The following SUCLG2 variants were observed in gnomAD, a reference collection of about 807,000 sequenced individuals.
The protein encoded by SUCLG2 is succinate-CoA ligase GDP-forming subunit beta, also known as succinate--CoA ligase [GDP-forming] subunit beta, mitochondrial.
Under a neutral mutation model 47.9 loss-of-function variants are expected in SUCLG2, and 42 were observed. The observed-to-expected ratio is 0.88, with a 90% CI of 0.69 to 1.14. The LOEUF is 1.14. SUCLG2 is among the 50% of genes most tolerant of loss of function. The pLI, the probability that SUCLG2 is intolerant of heterozygous loss-of-function variation, is 0.00. For synonymous variants in SUCLG2, 195 were observed against 197.3 expected, an observed-to-expected ratio of 0.99 and a Z score of 0.10; for missense variants, 571 against 525.9, an observed-to-expected ratio of 1.09 and a Z score of -0.84.
At chr3:67,414,644 T>C (rs556709817) in intron 9 of SUCLG2, among the ~76,000 whole-genome samples, 1 of 151,636 alleles carries the variant, frequency 6.6e-6, no homozygotes, top group Admixed American at 6.5e-5. Flanking sequence ...AAAGCCAAAA[T>C]TCTGGATTTT....
At chr3:67,517,302 G>C (rs1384783978) in intron 6 of SUCLG2, among the ~76,000 whole-genome samples, 2 of 152,236 alleles carry the variant, frequency 1.3e-5, no homozygotes, top group East Asian at 3.9e-4. Flanking sequence ...TCAATCAAAA[G>C]AAAAAGACAA....
chr3:67,442,439 G>C (rs1054912671), intron 9 of SUCLG2, among the ~76,000 whole-genome samples: 2 of 152,180 alleles, frequency 1.3e-5, no homozygotes, highest in Non-Finnish European at 2.9e-5. Context: ...CCCACCCCGG[G>C]CTACTAAATT....
intron 1 of SUCLG2, among the ~76,000 whole-genome samples, chr3:67,649,049 A>G (rs886943827): frequency 2.0e-5 from 3 of 152,216 alleles, no homozygotes; most frequent in African/African-American, 4.8e-5. Flanking sequence ...GGGTACAGAG[A>G]ATAATCCCTG....
intron 9 of SUCLG2, among the ~76,000 whole-genome samples, chr3:67,463,909 A>T (rs553981010): frequency 6.6e-6 from 1 of 152,356 alleles, no homozygotes; most frequent in South Asian, 2.1e-4. Flanking sequence ...GGGAGAAATA[A>T]TCTCAAGGAG....
chr3:67,635,129 G>A (rs1449090534), intron 1 of SUCLG2, among the ~76,000 whole-genome samples: 2 of 152,162 alleles, frequency 1.3e-5, no homozygotes, highest in Admixed American at 6.5e-5. Flanking sequence ...TGAAGAGCCA[G>A]CAAAACAACA....
At chr3:67,405,209 T>C (rs1223601719) in intron 9 of SUCLG2, among the ~76,000 whole-genome samples, 2 of 152,246 alleles carry the variant, frequency 1.3e-5, no homozygotes, top group Non-Finnish European at 2.9e-5. Context: ...GCAAGTTTGC[T>C]CTGGCAGCTG....
intron 10 of SUCLG2, among the ~76,000 whole-genome samples, chr3:67,386,238 G>A (rs1244603001): frequency 6.0e-5 from 9 of 149,648 alleles, no homozygotes; most frequent in East Asian, 5.9e-4. Flanking sequence ...ACAGGCGCCC[G>A]CCACCACGCC....
At chr3:67,524,447 T>A (rs912946538) in intron 4 of SUCLG2, among the ~76,000 whole-genome samples, 2 of 152,180 alleles carry the variant, frequency 1.3e-5, no homozygotes, top group Non-Finnish European at 2.9e-5. Flanking sequence ...TTAAATTGAT[T>A]ACAGAGCAGT....
At chr3:67,654,234 A>G (rs902649105) in intron 1 of SUCLG2, among the ~76,000 whole-genome samples, 15 of 152,254 alleles carry the variant, frequency 9.9e-5, no homozygotes, top group Admixed American at 2.0e-4. Context: ...CGCCTTCGCC[A>G]TGAGTCTGCG....
chr3:67,509,105 G>A (rs1377698421), intron 6 of SUCLG2, among the ~76,000 whole-genome samples: 2 of 152,154 alleles, frequency 1.3e-5, no homozygotes, highest in East Asian at 1.9e-4. Context: ...CTAGACACCA[G>A]AAGAGACCAT....
intron 2 of SUCLG2, among the ~76,000 whole-genome samples, chr3:67,530,371 AGTTC>A (rs756033566): frequency 1.3e-5 from 2 of 152,242 alleles, no homozygotes; most frequent in African/African-American, 2.4e-5. Flanking sequence ...TCGACCAGTT[AGTTC>A]ATTTATTACC....
Position 67,537,532 on chromosome 3 carries a change from G to A in SUCLG2, c.227-8346C>T, listed in dbSNP as rs185301291. On this transcript the variant is annotated intron_variant, in intron 2 of 10. Transcript: ENST00000307227. ...GTGCACAGTGCCGAAATAAACATACGTGTGCATGTGTCTATATAGTAGAAT... is the reference window on the plus strand; with the variant it reads ...GTGCACAGTGCCGAAATAAACATACATGTGCATGTGTCTATATAGTAGAAT... 1.8e-4 allele frequency among the ~76,000 whole-genome samples: 27 copies of A among 152,238 alleles called. No individual in the cohort carries two copies. The East Asian group carries it at 3.5e-3, about 20-fold the overall frequency.
Position 67,613,587 on chromosome 3 carries a change from G to C in SUCLG2, c.85-3991C>G, listed in dbSNP as rs560852175. On this transcript the variant is annotated intron_variant, in intron 1 of 10. Transcript: ENST00000307227. ...ATCTATCAGCCAGGGACCAGAATAA[G>C]GATGGACATATACCAAGTGACTTTA... 2.2e-4 allele frequency among the ~76,000 whole-genome samples: 33 copies of C among 152,228 alleles called. No homozygotes were observed. The South Asian group carries it at 4.8e-3, about 22-fold the overall frequency.
intron 9 of SUCLG2, 50 bp downstream of exon 9, chr3:67,495,748 G>C (rs147940391): frequency 1.2e-6 from 2 of 1,606,874 alleles, no homozygotes; most frequent in East Asian, 2.2e-5. Context: ...AGCTCTTGAC[G>C]GTGAGAAATT....
At chr3:67,555,075 G>C (rs769301120) in intron 2 of SUCLG2, among the ~76,000 whole-genome samples, 9 of 152,080 alleles carry the variant, frequency 5.9e-5, no homozygotes, top group Non-Finnish European at 1.3e-4. Context: ...AGAAGAGACA[G>C]AACAGCTGGG....
chr3:67,513,197 C>T (rs1705845618), intron 6 of SUCLG2, among the ~76,000 whole-genome samples: 1 of 152,128 alleles, frequency 6.6e-6, no homozygotes, highest in Non-Finnish European at 1.5e-5. Flanking sequence ...TTACAAGGTT[C>T]AGTAAAGTTC....
At chr3:67,618,891 A>G (rs1316657797) in intron 1 of SUCLG2, among the ~76,000 whole-genome samples, 1 of 152,204 alleles carries the variant, frequency 6.6e-6, no homozygotes, top group African/African-American at 2.4e-5. Context: ...GCATCAAGAG[A>G]AACAACACTT....
chr3:67,416,464 TATA>T (rs1703040191), intron 9 of SUCLG2, among the ~76,000 whole-genome samples: 1 of 152,188 alleles, frequency 6.6e-6, no homozygotes, highest in African/African-American at 2.4e-5. Flanking sequence ...AAAATCCCAC[TATA>T]ATAATACTGC....
At position 67,568,895 on chromosome 3, in the gene SUCLG2, T is replaced by A. The variant is rs571804585; in HGVS notation, c.227-39709A>T. Among the ~76,000 whole-genome samples, 711 of 151,976 alleles carry A rather than the reference T, an allele frequency of 4.7e-3. 1 individual carries two copies. The highest frequency in any genetic ancestry group is 6.6e-3 in the Non-Finnish European group (449 of 67,930). On this transcript the variant is annotated intron_variant, in intron 2 of 10. Transcript: ENST00000307227. ...GAGCGAGACTCCGTCTCAAAAAAAA[T>A]AAAATAAAATAAAATAAAGAGTGAA...
Sources: gnomAD v4.1 joint callset for allele counts (sites outside exome capture counted in the v4.1 genomes callset) on GRCh38, gnomAD v4.1.1 for gene constraint, MANE v1.5 for transcripts, NCBI Gene and HGNC (gene_info 2026-07-23, HGNC 2026-07-21) for gene names.